The following RBFOX1 variants were observed in gnomAD, a reference collection of about 807,000 sequenced individuals.
RBFOX1 encodes RNA binding fox-1 homolog 1.
A neutral mutation model predicts 57.7 loss-of-function variants in RBFOX1; 8 were observed. That is an observed-to-expected ratio of 0.14 (90% CI 0.08 to 0.25). The LOEUF (loss-of-function observed/expected upper bound fraction) is 0.25, where lower values mean the gene tolerates loss of function less well. Ranked by LOEUF, RBFOX1 falls within the 10% of genes least tolerant of loss-of-function variation. RBFOX1 has a pLI of 1.00. For missense variants in RBFOX1, 611 were observed against 548.5 expected, an observed-to-expected ratio of 1.11 and a Z score of -1.14; for synonymous variants, 326 against 222.4, an observed-to-expected ratio of 1.47 and a Z score of -4.15.
chr16:6,930,387 C>A (rs1313510178), intron 3 of RBFOX1, among the ~76,000 whole-genome samples: 1 of 152,140 alleles, frequency 6.6e-6, no homozygotes, highest in Non-Finnish European at 1.5e-5. Flanking sequence ...TACCACCTCA[C>A]ACCCATCAGG....
chr16:5,494,281 G>T (rs951666457), intron 2 of RBFOX1, among the ~76,000 whole-genome samples: 1 of 152,184 alleles, frequency 6.6e-6, no homozygotes, highest in South Asian at 2.1e-4. Context: ...TTCCAGTCTT[G>T]CCTCTAGAAT....
At chr16:6,332,132 G>A (rs752620472) in intron 2 of RBFOX1, among the ~76,000 whole-genome samples, 24 of 152,202 alleles carry the variant, frequency 1.6e-4, no homozygotes, top group Admixed American at 6.5e-5. Context: ...GTGCTAATAT[G>A]TGGATGCCTG....
chr16:6,698,825 A>G (rs1159845744), intron 3 of RBFOX1, among the ~76,000 whole-genome samples: 1 of 152,146 alleles, frequency 6.6e-6, no homozygotes, highest in Non-Finnish European at 1.5e-5. Flanking sequence ...TTATAGTGAT[A>G]TGGAATTCCA....
intron 1 of RBFOX1, among the ~76,000 whole-genome samples, chr16:5,345,417 C>T (rs1051599530): frequency 2.0e-5 from 3 of 152,208 alleles, no homozygotes; most frequent in Non-Finnish European, 4.4e-5. Flanking sequence ...TCGTGCATGC[C>T]CACCCATGCA....
chr16:6,869,429 A>G (rs934748528), intron 3 of RBFOX1, among the ~76,000 whole-genome samples: 1 of 151,560 alleles, frequency 6.6e-6, no homozygotes, highest in Non-Finnish European at 1.5e-5. Context: ...CCACTGTGGT[A>G]TCTGTCTTGT....
rs987149321 is a variant in RBFOX1 at position 5,597,773 on chromosome 16, C to T, written c.259-1129C>T. Among the ~76,000 whole-genome samples the T allele has an allele frequency of 1.1e-3, 172 of 152,200 alleles. 1 individual carries two copies. Among genetic ancestry groups the T allele is most frequent in the South Asian group, 2.1e-4 (1 of 4,816 alleles). ...TTTAACATGCTCCTGCGCTGTACCT[C>T]GTGGAAAGGTGGACGAAGGCTTTGG... is the stretch of plus-strand genomic sequence containing the variant. On this transcript the variant is annotated intron_variant, in intron 2 of 2. Coordinates refer to the RBFOX1 transcript ENST00000585867.
At chr16:5,330,214 A>C (rs1841193122) in intron 1 of RBFOX1, among the ~76,000 whole-genome samples, 2 of 152,212 alleles carry the variant, frequency 1.3e-5, no homozygotes, top group South Asian at 2.1e-4. Flanking sequence ...AGTCCATTGC[A>C]GTTGCATAGC....
At chr16:6,726,835 A>C (rs1318008834) in intron 3 of RBFOX1, among the ~76,000 whole-genome samples, 2 of 152,058 alleles carry the variant, frequency 1.3e-5, no homozygotes, top group Non-Finnish European at 2.9e-5. Flanking sequence ...AGGAACACCA[A>C]GTTCTCTCTG....
At chr16:5,789,712 C>G (rs936666523) in intron 3 of RBFOX1, among the ~76,000 whole-genome samples, 5 of 152,230 alleles carry the variant, frequency 3.3e-5, no homozygotes, top group Admixed American at 3.3e-4. Context: ...AAGATAGAAG[C>G]TCAAAAATGT....
intron 3 of RBFOX1, among the ~76,000 whole-genome samples, chr16:7,002,160 CCACCTCT>C (rs2092876932): frequency 6.6e-6 from 1 of 151,932 alleles, no homozygotes; most frequent in South Asian, 2.1e-4. Flanking sequence ...TTGTGGCCAT[CCACCTCT>C]CAGTGTACTG....
rs117033428 is a variant in RBFOX1, at chr16:5,613,663, T to C, written c.318+14702T>C. The stretch of plus-strand genomic sequence containing the variant: ...GAGGCAGTCCAGTACCAGGACCATA[T>C]TGGGGTCATGTTTATGGGGCCAGGT... On this transcript the variant is annotated intron_variant, in intron 3 of 19. Transcript: ENST00000641259. 9.2e-4 allele frequency among the ~76,000 whole-genome samples: 140 copies of C among 152,248 alleles called. 4 individuals carry two copies. The East Asian group carries it at 0.025, about 27-fold the overall frequency.
intron 3 of RBFOX1, among the ~76,000 whole-genome samples, chr16:6,781,066 C>T (rs183791324): frequency 1.3e-5 from 2 of 152,162 alleles, no homozygotes; most frequent in Non-Finnish European, 2.9e-5. Flanking sequence ...AAAGTATTTA[C>T]CCACACCCAT....
chr16:7,378,168 C>G (rs1331662838), intron 4 of RBFOX1, among the ~76,000 whole-genome samples: 3 of 152,144 alleles, frequency 2.0e-5, no homozygotes, highest in African/African-American at 7.2e-5. Flanking sequence ...GCAGTATGAG[C>G]TTTATCGTTG....
intron 3 of RBFOX1, among the ~76,000 whole-genome samples, chr16:6,701,984 C>G (rs2061923985): frequency 6.6e-6 from 1 of 152,108 alleles, no homozygotes; most frequent in Non-Finnish European, 1.5e-5. Flanking sequence ...CAAAAACTAC[C>G]TGTTGGGTAC....
chr16:6,456,352 A>C (rs994793335), intron 2 of RBFOX1, among the ~76,000 whole-genome samples: 3 of 152,110 alleles, frequency 2.0e-5, no homozygotes, highest in African/African-American at 7.2e-5. Context: ...CCTGTCTTCC[A>C]GGCTGGAGTG....
chr16:5,363,673 A>C (rs1403753520), intron 1 of RBFOX1, among the ~76,000 whole-genome samples: 1 of 152,130 alleles, frequency 6.6e-6, no homozygotes, highest in Admixed American at 6.5e-5. Context: ...CACACTTTGG[A>C]AATTGCTTGT....
chr16:6,395,803 G>A (rs2011700), intron 2 of RBFOX1, among the ~76,000 whole-genome samples: 41,696 of 151,744 alleles, frequency 0.27, 5,894 homozygotes, highest in African/African-American at 0.33. Flanking sequence ...AGTAGCTCAC[G>A]CTTGTAATCC....
chr16:7,190,586 A>C (rs888971170), intron 4 of RBFOX1, among the ~76,000 whole-genome samples: 3 of 151,856 alleles, frequency 2.0e-5, no homozygotes, highest in Admixed American at 6.6e-5. Context: ...GGTTGCTAAG[A>C]GGGTAGGTGT....
At chr16:6,264,586 C>T (rs546722158) in intron 1 of RBFOX1, among the ~76,000 whole-genome samples, 54 of 152,118 alleles carry the variant, frequency 3.5e-4, no homozygotes, top group Non-Finnish European at 6.0e-4. Context: ...ACCTCAGACC[C>T]ACCACATTCT....
Sources: gnomAD v4.1 joint callset for allele counts (sites outside exome capture counted in the v4.1 genomes callset) on GRCh38, gnomAD v4.1.1 for gene constraint, MANE v1.5 for transcripts, NCBI Gene and HGNC (gene_info 2026-07-23, HGNC 2026-07-21) for gene names.